Variants in RPS9 observed in about 807,000 individuals in gnomAD.
RPS9 encodes ribosomal protein S9.
RPS9 carries 1 observed loss-of-function variant against 16.9 expected under a neutral mutation model. The ratio of observed to expected loss-of-function variants is 0.06; its 90% confidence interval spans 0.02 to 0.28. RPS9 has a LOEUF of 0.28. Among genes scored for constraint, RPS9 ranks in the 10% least tolerant of loss-of-function variants. The pLI, the probability that RPS9 is intolerant of heterozygous loss-of-function variation, is 1.00. For synonymous variants in RPS9, 106 were observed against 110.9 expected (o/e 0.96, Z 0.28); for missense variants, 137 against 273.2 (o/e 0.50, Z 3.51).
At position 54,200,882 on chromosome 19, in the gene RPS9, T is replaced by C; in HGVS notation, c.-32T>C. The C allele has an allele frequency of 8.6e-7, 1 of 1,168,402 alleles. No individual in the cohort carries two copies. Among genetic ancestry groups the C allele is most frequent in the South Asian group, 2.3e-5 (1 of 42,668 alleles). The allele number at this position is 1,168,402 out of a possible 1,614,324, so 72.4% of individuals were successfully genotyped here. A position where few individuals can be genotyped will look rare whatever the true frequency, so the allele number is the denominator to read the frequency against. ...CCTCTTTCTCAGTGACCGGGTGGTT[T>C]GCTTAGGTGAGGTGCGGTGGTGTGC... On this transcript the variant is annotated 5_prime_UTR_variant, in exon 1 of 5. Transcript: ENST00000302907.
chr19:54,203,698 G>C (rs1361821568), intron 3 of RPS9, among the ~76,000 whole-genome samples: 1 of 152,086 alleles, frequency 6.6e-6, no homozygotes, highest in Non-Finnish European at 1.5e-5. Context: ...TTGAACCTGG[G>C]AGACAGAGAC....
intron 3 of RPS9, 27 bp from the exon 4 acceptor site, chr19:54,206,249 A>ATCAGTGTTTCCTC: frequency 6.2e-7 from 1 of 1,606,116 alleles, no homozygotes; most frequent in African/African-American, 1.3e-5. Flanking sequence ...AGAAGGCGGA[A>ATCAGTGTTTCCTC]TCAGTGTTTC....
At chr19:54,207,283 T>A (rs1254625273) in intron 4 of RPS9, 115 bp from the exon 5 acceptor site, 8 of 837,402 alleles carry the variant, frequency 9.6e-6, no homozygotes, top group Non-Finnish European at 1.5e-5. Context: ...TGCAGCGCCT[T>A]GGTGTCTGCA....
At chr19:54,206,587 G>A (rs1384078214) in intron 4 of RPS9, 125 bp downstream of exon 4, 2 of 1,553,600 alleles carry the variant, frequency 1.3e-6, no homozygotes. Flanking sequence ...TCACCCAGAG[G>A]GTACAGATTC....
rs577329923 is a variant in RPS9 at position 54,200,956 on chromosome 19, C to T, written c.-26+68C>T. 3.1e-5 allele frequency: 42 copies of T among 1,373,360 alleles called. No individual in the cohort carries two copies. The South Asian group carries it at 5.5e-4, about 18-fold the overall frequency. 85.1% of individuals were successfully genotyped at this position (1,373,360 alleles called of 1,614,324 possible). A position where few individuals can be genotyped will look rare whatever the true frequency, so the allele number is the denominator to read the frequency against. ...ATGGTGGCCCGGGCCTTCCGAGTTT[C>T]CATGAGTAAGCTAAAGACGTTAGGA... On this transcript the variant is annotated intron_variant, in intron 1 of 4. Transcript: ENST00000302907.
At chr19:54,204,940 C>T (rs2077189727) in intron 3 of RPS9, among the ~76,000 whole-genome samples, 1 of 152,134 alleles carries the variant, frequency 6.6e-6, no homozygotes, top group Non-Finnish European at 1.5e-5. Flanking sequence ...TTTTGATTCT[C>T]CCTACCTGTA....
At chr19:54,203,726 C>T (rs763134806) in intron 3 of RPS9, among the ~76,000 whole-genome samples, 6 of 150,860 alleles carry the variant, frequency 4.0e-5, no homozygotes, top group Admixed American at 6.6e-5. Context: ...AGCCGAGATC[C>T]GCGGCACTGC....
At chr19:54,201,133 T>TTA in intron 1 of RPS9, 27 bp from the exon 2 acceptor site, 1 of 1,611,926 alleles carries the variant, frequency 6.2e-7, no homozygotes. Context: ...TTTGGATCCC[T>TTA]TACGCTCACA....
chr19:54,203,771 T>TCCCCCCCCCCCCCC (rs11439192), intron 3 of RPS9, among the ~76,000 whole-genome samples: 41 of 111,632 alleles, frequency 3.7e-4, no homozygotes, highest in South Asian at 9.2e-4. Flanking sequence ...CAACACGAAC[T>TCCCCCCCCCCCCCC]CCCCCCCCAC....
intron 3 of RPS9, chr19:54,203,303 C>T: frequency 1.0e-6 from 1 of 985,328 alleles, no homozygotes; most frequent in Non-Finnish European, 1.2e-6. Flanking sequence ...TAAATGAAGC[C>T]ATCTAGCCTA....
intron 3 of RPS9, among the ~76,000 whole-genome samples, chr19:54,205,346 G>T (rs2077202169): frequency 7.6e-6 from 1 of 131,532 alleles, no homozygotes; most frequent in African/African-American, 2.5e-5. Flanking sequence ...TGGAAGAAAG[G>T]TGTAGTAGGG....
In RPS9 at chr19:54,200,903, T is replaced by C. The variant is rs2077018853; in HGVS notation, c.-26+15T>C. ...GGTTTGCTTAGGTGAGGTGCGGTGG[T>C]GTGCTTTTTCTCTAGGGTTTGGGTT... On this transcript the variant is annotated intron_variant, in intron 1 of 4. Transcript: ENST00000302907. The C allele has an allele frequency of 4.0e-6, 5 of 1,239,198 alleles. No individual in the cohort carries two copies. The highest frequency in any genetic ancestry group is 3.4e-4 in the Middle Eastern group (1 of 2,950). The allele number at this position is 1,239,198 out of a possible 1,614,324, so 76.8% of individuals were successfully genotyped here.
At position 54,206,472 on chromosome 19, in the gene RPS9, C is replaced by T. The variant is rs1490174089; in HGVS notation, c.407+10C>T. The T allele has an allele frequency of 3.1e-6, 5 of 1,613,978 alleles. No individual in the cohort carries two copies. Among genetic ancestry groups the T allele is most frequent in the East Asian group, 2.2e-5 (1 of 44,892 alleles). Reference sequence around the variant, plus strand: ...GCCAGCGCCATATCAGGTACCACCTCGGATGGGCACCTGAATCTTCCTCCA... The same window carrying T: ...GCCAGCGCCATATCAGGTACCACCTTGGATGGGCACCTGAATCTTCCTCCA... On this transcript the variant is annotated intron_variant, in intron 4 of 4. Coordinates refer to ENST00000302907, the MANE Select transcript of RPS9 (RefSeq NM_001013.4).
chr19:54,204,128 C>G (rs1384571688), intron 3 of RPS9, among the ~76,000 whole-genome samples: 1 of 152,122 alleles, frequency 6.6e-6, no homozygotes, highest in Non-Finnish European at 1.5e-5. Flanking sequence ...GCCTGTAATC[C>G]CAGCACTTTG....
rs1241607791 is a variant in RPS9, at chr19:54,206,328, G to A, written c.273G>A (p.Lys91=). 6.2e-7 allele frequency: 1 copy of A among 1,614,142 alleles called. No homozygotes were observed. Among genetic ancestry groups the A allele is most frequent in the East Asian group, 2.2e-5 (1 of 44,878 alleles). ...GCATTGGGGTGCTGGATGAGGGCAA[G>A]ATGAAGCTGGATTACATCCTGGGCC... is the stretch of plus-strand genomic sequence containing the variant. ...LVRIGVLDEG[K]MKLDYILGLK... Residue 91 remains lysine (K), a synonymous_variant, in exon 4 of 5, where the codon AAG becomes AAA. Coordinates refer to ENST00000302907, the MANE Select transcript of RPS9 (RefSeq NM_001013.4).
At chr19:54,202,582 A>G (rs2077096789) in intron 3 of RPS9, 2 of 984,838 alleles carry the variant, frequency 2.0e-6, no homozygotes, top group Non-Finnish European at 2.4e-6. Context: ...TAAATTGAAA[A>G]TGTACCATCT....
At position 54,201,668 on chromosome 19, in the gene RPS9, C is replaced by G. The variant is rs1476100106; in HGVS notation, c.220+59C>G. On this transcript the variant is annotated intron_variant, in intron 3 of 4. Coordinates refer to ENST00000302907, the MANE Select transcript of RPS9 (RefSeq NM_001013.4). ...TGCAGGGCTTGTGAGGTTCATTCTC[C>G]CTTCTGTTGCCTCTGTTCCAGTGAT... The G allele has an allele frequency of 8.7e-6, 14 of 1,601,200 alleles. No individual in the cohort carries two copies. The South Asian group carries it at 1.6e-4, about 18-fold the overall frequency.
Position 54,201,183 on chromosome 19 carries a change from A to G in RPS9, c.-2A>G, listed in dbSNP as rs141881269. On this transcript the variant is annotated 5_prime_UTR_variant, in exon 2 of 5. Coordinates refer to ENST00000302907, the MANE Select transcript of RPS9 (RefSeq NM_001013.4). ...AGGCGCAGACGGGGAAGCGGAGCCA[A>G]CATGCCAGTGGCCCGGAGCTGGGTT... 1.9e-6 allele frequency: 3 copies of G among 1,600,972 alleles called. No individual in the cohort carries two copies. In the African/African-American group the frequency reaches 4.0e-5, roughly 21 times the overall value.
At chr19:54,206,503 C>T (rs2077246462) in intron 4 of RPS9, 41 bp downstream of exon 4, 6 of 1,611,026 alleles carry the variant, frequency 3.7e-6, no homozygotes, top group Non-Finnish European at 5.1e-6. Context: ...CTCCACCTGC[C>T]CCTCTGATGG....
Sources: gnomAD v4.1 joint callset for allele counts (sites outside exome capture counted in the v4.1 genomes callset) on GRCh38, gnomAD v4.1.1 for gene constraint, MANE v1.5 for transcripts, NCBI Gene and HGNC (gene_info 2026-07-23, HGNC 2026-07-21) for gene names.